Variants in NOX4 observed in about 807,000 individuals in gnomAD.
The protein encoded by NOX4 is NADPH oxidase 4, also known as kidney oxidase-1.
Under a neutral mutation model 87.6 loss-of-function variants are expected in NOX4, and 69 were observed. That is an observed-to-expected ratio of 0.79 (90% CI 0.65 to 0.96). NOX4 has a LOEUF of 0.96. NOX4 is among the 40% of genes least tolerant of loss of function. The pLI is 0.00. For synonymous variants in NOX4, 275 were observed against 238.2 expected (o/e 1.15, Z -1.42); for missense variants, 680 against 681.5 (o/e 1.00, Z 0.02).
At chr11:89,498,784 G>A (rs1438426147), upstream of NOX4, 3 of 152,218 alleles carry the variant, frequency 2.0e-5, no homozygotes, top group African/African-American at 7.2e-5. Context: ...TCACACTTTT[G>A]GCATGGATAA....
intron 7 of NOX4, among the ~76,000 whole-genome samples, chr11:89,430,742 A>G (rs1265217878): frequency 2.0e-5 from 3 of 152,178 alleles, no homozygotes; most frequent in South Asian, 2.1e-4. Flanking sequence ...ATGCTCAGGG[A>G]TAGGAAGAAT....
At chr11:89,399,790 T>G (rs1417170449) in intron 11 of NOX4, among the ~76,000 whole-genome samples, 1 of 151,842 alleles carries the variant, frequency 6.6e-6, no homozygotes, top group Non-Finnish European at 1.5e-5. Flanking sequence ...CAAGCTTTAA[T>G]ACGTTTTAAT....
At chr11:89,407,924 G>A (rs528169603) in intron 8 of NOX4, among the ~76,000 whole-genome samples, 2 of 151,954 alleles carry the variant, frequency 1.3e-5, no homozygotes, top group South Asian at 4.2e-4. Flanking sequence ...CTATCTTGAA[G>A]GAGGAGAAAA....
At chr11:89,576,487 G>T in the NOX4 span, among the ~76,000 whole-genome samples, 4 of 152,070 alleles carry the variant, frequency 2.6e-5, no homozygotes, top group South Asian at 6.2e-4. Flanking sequence ...TATTTTAATC[G>T]TGGCTATATT....
At chr11:89,512,795 A>T in the NOX4 span, among the ~76,000 whole-genome samples, 3 of 152,038 alleles carry the variant, frequency 2.0e-5, no homozygotes, top group Non-Finnish European at 4.4e-5. Context: ...CACTTCTAAA[A>T]CATCCTGTGG....
At chr11:89,408,211 A>G (rs10830269) in intron 8 of NOX4, among the ~76,000 whole-genome samples, 14,018 of 152,142 alleles carry the variant, frequency 0.092, 791 homozygotes, top group South Asian at 0.2. Context: ...AATAGTGCTT[A>G]TGACTTATAA....
At chr11:89,563,675 T>A in the NOX4 span, among the ~76,000 whole-genome samples, 1 of 152,230 alleles carries the variant, frequency 6.6e-6, no homozygotes, top group Admixed American at 6.5e-5. Context: ...AGTTGATCCC[T>A]GCTTTCACCT....
chr11:89,359,019 G>C (rs1443559657), intron 12 of NOX4, among the ~76,000 whole-genome samples: 1 of 151,828 alleles, frequency 6.6e-6, no homozygotes, highest in African/African-American at 2.4e-5. Flanking sequence ...TTTTCTACCA[G>C]TAGGAGATAT....
Position 89,424,008 on chromosome 11 carries a change from G to A in NOX4, c.549-2026C>T, listed in dbSNP as rs564770627. 1.5e-4 allele frequency among the ~76,000 whole-genome samples: 23 copies of A among 152,032 alleles called. No individual in the cohort carries two copies. In the South Asian group the frequency reaches 3.3e-3, roughly 22 times the overall value. Reference sequence around the variant, plus strand: ...CTTGAGCCTGGGAGGTCAAGGTTGCGGCTGCATTGAGCTGTAATCTTATCA... The same window carrying A: ...CTTGAGCCTGGGAGGTCAAGGTTGCAGCTGCATTGAGCTGTAATCTTATCA... On this transcript the variant is annotated intron_variant, in intron 7 of 17. Coordinates refer to ENST00000263317, the MANE Select transcript of NOX4 (RefSeq NM_016931.5).
chr11:89,532,600 T>C, the NOX4 span, among the ~76,000 whole-genome samples: 2 of 152,166 alleles, frequency 1.3e-5, no homozygotes, highest in East Asian at 1.9e-4. Flanking sequence ...CTTGGACTTT[T>C]GGGTTAACGC....
At chr11:89,350,304 C>G (rs571300937) in intron 13 of NOX4, among the ~76,000 whole-genome samples, 46 of 152,164 alleles carry the variant, frequency 3.0e-4, no homozygotes, top group Non-Finnish European at 7.4e-5. Context: ...TACATACATA[C>G]ACATATACAT....
intron 2 of NOX4, among the ~76,000 whole-genome samples, chr11:89,479,379 G>C (rs1320241270): frequency 6.6e-6 from 1 of 151,986 alleles, no homozygotes; most frequent in Non-Finnish European, 1.5e-5. Context: ...TTTGCAATTT[G>C]AAATCAGGTA....
intron 17 of NOX4, among the ~76,000 whole-genome samples, chr11:89,328,045 A>T (rs1464214714): frequency 2.6e-5 from 4 of 152,260 alleles, no homozygotes; most frequent in African/African-American, 9.6e-5. Flanking sequence ...TGCAGCAGAC[A>T]GGGGAAACTC....
chr11:89,565,249 A>G, the NOX4 span, among the ~76,000 whole-genome samples: 1 of 151,964 alleles, frequency 6.6e-6, no homozygotes, highest in African/African-American at 2.4e-5. Flanking sequence ...CTATTTTTTG[A>G]TATATGATAT....
chr11:89,532,188 C>A, the NOX4 span, among the ~76,000 whole-genome samples: 1 of 152,194 alleles, frequency 6.6e-6, no homozygotes, highest in African/African-American at 2.4e-5. Context: ...CACTGTCCTC[C>A]ATACACCAGA....
chr11:89,394,935 C>T (rs1941371759), intron 11 of NOX4, among the ~76,000 whole-genome samples: 1 of 152,122 alleles, frequency 6.6e-6, no homozygotes. Flanking sequence ...CAAGTCTTTG[C>T]TATTGTGAAT....
the NOX4 span, among the ~76,000 whole-genome samples, chr11:89,571,724 AT>A: frequency 1.3e-5 from 2 of 152,080 alleles, no homozygotes; most frequent in South Asian, 4.1e-4. Flanking sequence ...GGACCCCCAA[AT>A]TACTAAGCCA....
At chr11:89,430,107 TG>T (rs1306374436) in intron 7 of NOX4, among the ~76,000 whole-genome samples, 2 of 152,128 alleles carry the variant, frequency 1.3e-5, no homozygotes, top group African/African-American at 4.8e-5. Context: ...AAAAACCACA[TG>T]ATTATCTCCA....
the NOX4 span, among the ~76,000 whole-genome samples, chr11:89,541,462 T>A: frequency 6.6e-6 from 1 of 152,208 alleles, no homozygotes; most frequent in African/African-American, 2.4e-5. Flanking sequence ...AGATTTTAAT[T>A]ATAGCAGCAA....
Sources: gnomAD v4.1 joint callset for allele counts (sites outside exome capture counted in the v4.1 genomes callset) on GRCh38, gnomAD v4.1.1 for gene constraint, MANE v1.5 for transcripts, NCBI Gene and HGNC (gene_info 2026-07-23, HGNC 2026-07-21) for gene names.